The following CCSER1 variants were observed in gnomAD, a reference collection of about 807,000 sequenced individuals.
The protein encoded by CCSER1 is coiled-coil serine rich protein 1, also known as serine-rich coiled-coil domain-containing protein 1.
CCSER1 carries 41 observed loss-of-function variants against 82.0 expected under a neutral mutation model. The ratio of observed to expected loss-of-function variants is 0.50; its 90% CI spans 0.39 to 0.65. The LOEUF is 0.65. Among genes scored for constraint, CCSER1 ranks in the 30% least tolerant of loss-of-function variants. CCSER1 has a pLI of 0.00. For synonymous variants in CCSER1, 414 were observed against 383.9 expected (o/e 1.08, Z -0.92); for missense variants, 1,119 against 1,064.2 (o/e 1.05, Z -0.72).
At chr4:90,814,567 T>G (rs963275676) in intron 7 of CCSER1, among the ~76,000 whole-genome samples, 1 of 152,214 alleles carries the variant, frequency 6.6e-6, no homozygotes, top group Non-Finnish European at 1.5e-5. Flanking sequence ...TAATTTGTTT[T>G]TGAATGCATA....
At chr4:91,235,635 A>T (rs1362181952) in intron 10 of CCSER1, among the ~76,000 whole-genome samples, 1 of 152,096 alleles carries the variant, frequency 6.6e-6, no homozygotes, top group African/African-American at 2.4e-5. Context: ...TACTTATCCA[A>T]AATAGGGCAG....
intron 10 of CCSER1, among the ~76,000 whole-genome samples, chr4:91,405,478 G>C (rs560253699): frequency 4.8e-4 from 73 of 152,276 alleles, no homozygotes; most frequent in Admixed American, 6.5e-4. Flanking sequence ...TTAAACTAAA[G>C]AGCTTCTGCA....
At position 90,308,481 on chromosome 4, in the gene CCSER1, C is replaced by T. The variant is rs763487515; in HGVS notation, c.197C>T (p.Pro66Leu). Residue 66 changes from proline (P) to leucine (L), a missense_variant, in exon 2 of 11, where the codon CCT (proline) becomes CTT (leucine). Physicochemically the swap from Pro to Leu is moderately conservative, Grantham distance 98. Transcript: ENST00000509176. ...TGKRRSIFRT[P>L]SISFHHKKGS... is the part of the protein sequence containing the mutation. ...AAACGGAGGAGCATATTCCGTACTCCTTCCATTAGCTTCCACCATAAGAAG... is the reference window on the plus strand; with the variant it reads ...AAACGGAGGAGCATATTCCGTACTCTTTCCATTAGCTTCCACCATAAGAAG... The T allele has an allele frequency of 2.5e-6, 4 of 1,613,768 alleles. No homozygotes were observed. In the African/African-American group the frequency reaches 5.3e-5, roughly 22 times the overall value.
At chr4:91,194,117 G>C (rs1228870265) in intron 10 of CCSER1, among the ~76,000 whole-genome samples, 1 of 152,108 alleles carries the variant, frequency 6.6e-6, no homozygotes, top group Non-Finnish European at 1.5e-5. Flanking sequence ...TTGCAGGCAT[G>C]CACCACCACA....
chr4:90,354,141 G>A (rs1744001099), intron 3 of CCSER1, among the ~76,000 whole-genome samples: 1 of 152,120 alleles, frequency 6.6e-6, no homozygotes, highest in African/African-American at 2.4e-5. Context: ...TCTGCCATTT[G>A]CAATCAATTG....
At chr4:90,898,127 G>C (rs1723998132) in intron 8 of CCSER1, among the ~76,000 whole-genome samples, 1 of 151,380 alleles carries the variant, frequency 6.6e-6, no homozygotes. Flanking sequence ...AGTCCCATTT[G>C]TCTACTTTTC....
intron 10 of CCSER1, among the ~76,000 whole-genome samples, chr4:91,415,704 A>T (rs1046621373): frequency 6.6e-6 from 1 of 152,134 alleles, no homozygotes; most frequent in Non-Finnish European, 1.5e-5. Flanking sequence ...TATGTGATGA[A>T]TTACATTTAT....
chr4:91,263,932 CA>C (rs1215222222), intron 10 of CCSER1, among the ~76,000 whole-genome samples: 1 of 151,790 alleles, frequency 6.6e-6, no homozygotes, highest in African/African-American at 2.4e-5. Flanking sequence ...AATAAAAAGA[CA>C]ACTTGAAGTT....
At chr4:90,990,918 A>C (rs1736975705) in intron 9 of CCSER1, among the ~76,000 whole-genome samples, 1 of 151,950 alleles carries the variant, frequency 6.6e-6, no homozygotes. Context: ...CTATATTTTC[A>C]TGATTTAACT....
chr4:91,384,883 A>C (rs947531448), intron 10 of CCSER1, among the ~76,000 whole-genome samples: 2 of 152,112 alleles, frequency 1.3e-5, no homozygotes, highest in African/African-American at 4.8e-5. Context: ...GGAAAAGCAA[A>C]ACTACACTGA....
chr4:91,185,363 T>A (rs1424472967), intron 10 of CCSER1, among the ~76,000 whole-genome samples: 2 of 152,232 alleles, frequency 1.3e-5, no homozygotes, highest in African/African-American at 4.8e-5. Flanking sequence ...CAATGACTCC[T>A]GTATGTATTT....
At chr4:90,216,335 G>T (rs573829009) in intron 1 of CCSER1, among the ~76,000 whole-genome samples, 1 of 152,236 alleles carries the variant, frequency 6.6e-6, no homozygotes, top group African/African-American at 2.4e-5. Context: ...GTGTACTAAG[G>T]CATAATATAG....
At chr4:91,545,500 T>C (rs1007624416) in intron 10 of CCSER1, among the ~76,000 whole-genome samples, 1 of 152,170 alleles carries the variant, frequency 6.6e-6, no homozygotes, top group Non-Finnish European at 1.5e-5. Context: ...GTGGATTTTG[T>C]ATATAAATTG....
At position 90,785,725 on chromosome 4, in the gene CCSER1, A is replaced by AT. The variant is rs534610048; in HGVS notation, c.2011-30037_2011-30036insT. Among the ~76,000 whole-genome samples, 449 of 98,458 alleles carry AT rather than the reference A, an allele frequency of 4.6e-3. 2 individuals are homozygous for AT. The highest frequency in any genetic ancestry group is 0.032 in the South Asian group (113 of 3,496). The allele number at this position is 98,458 out of a possible 152,430, so 64.6% of individuals were successfully genotyped here. On this transcript the variant is annotated intron_variant, in intron 7 of 10. Coordinates refer to ENST00000509176, the MANE Select transcript of CCSER1 (RefSeq NM_001145065.2). ...AATTTGTATGTTTTAATAAGTTGTC[A>AT]ATTTTTTTTTACAATGTTAACATTT...
intron 1 of CCSER1, among the ~76,000 whole-genome samples, chr4:90,154,517 A>G (rs1388765442): frequency 1.3e-5 from 2 of 151,000 alleles, no homozygotes; most frequent in Admixed American, 6.6e-5. Context: ...ATGAGCATGG[A>G]ATGTTCTTCC....
intron 1 of CCSER1, among the ~76,000 whole-genome samples, chr4:90,283,017 T>C (rs1347833483): frequency 6.6e-6 from 1 of 152,066 alleles, no homozygotes; most frequent in African/African-American, 2.4e-5. Context: ...TGCTTTCTCA[T>C]GCTTTGAAAA....
At position 91,227,525 on chromosome 4, in the gene CCSER1, T is replaced by C. The variant is rs557506687; in HGVS notation, c.2217+141531T>C. On this transcript the variant is annotated intron_variant, in intron 10 of 10. Transcript: ENST00000509176. ...AAAGAAACAGTGTTTATTTTAATTT[T>C]TTTTTAGATTCATGGGGTACATGTA... Among the ~76,000 whole-genome samples the C allele has an allele frequency of 2.0e-5, 3 of 151,966 alleles. No individual in the cohort carries two copies. In the South Asian group the frequency reaches 6.2e-4, roughly 32 times the overall value.
At chr4:90,413,982 A>T (rs1755393542) in intron 4 of CCSER1, among the ~76,000 whole-genome samples, 1 of 34,714 alleles carries the variant, frequency 2.9e-5, no homozygotes, top group South Asian at 1.4e-3. Context: ...AAAAAAAAAA[A>T]TATATATATA....
intron 1 of CCSER1, among the ~76,000 whole-genome samples, chr4:90,174,625 G>A (rs575803932): frequency 3.9e-5 from 6 of 152,016 alleles, no homozygotes; most frequent in South Asian, 4.2e-4. Flanking sequence ...ACAGAGTACC[G>A]AGGAAGGAAG....
Sources: gnomAD v4.1 joint callset for allele counts (sites outside exome capture counted in the v4.1 genomes callset) on GRCh38, gnomAD v4.1.1 for gene constraint, MANE v1.5 for transcripts, NCBI Gene and HGNC (gene_info 2026-07-23, HGNC 2026-07-21) for gene names.